Variants in GTF3C2 observed in about 807,000 individuals in gnomAD.
GTF3C2 encodes the protein general transcription factor 3C polypeptide 2.
GTF3C2 carries 17 observed loss-of-function variants against 117.4 expected under a neutral mutation model. The ratio of observed to expected loss-of-function variants is 0.14; its 90% CI spans 0.10 to 0.22. The LOEUF (loss-of-function observed/expected upper bound fraction) is 0.22, where lower values mean the gene tolerates loss of function less well. Ranked by LOEUF, GTF3C2 falls within the 10% of genes least tolerant of loss-of-function variation. The pLI is 1.00. For synonymous variants in GTF3C2, 437 were observed against 427.0 expected, an observed-to-expected ratio of 1.02 and a Z score of -0.29; for missense variants, 888 against 1,143.6, an observed-to-expected ratio of 0.78 and a Z score of 3.22.
chr2:27,327,943 C>G (rs1680142158), intron 17 of GTF3C2, 94 bp downstream of exon 17: 2 of 1,061,986 alleles, frequency 1.9e-6, no homozygotes, highest in Non-Finnish European at 2.7e-6. Flanking sequence ...CTTAGTTTTA[C>G]ATCTTTGTGC....
chr2:27,342,294 A>G, intron 3 of GTF3C2, 61 bp from the exon 4 acceptor site: 2 of 1,403,942 alleles, frequency 1.4e-6, no homozygotes, highest in East Asian at 2.3e-5. Context: ...ACGTTTCCAG[A>G]CATGGTTGAT....
intron 1 of GTF3C2, among the ~76,000 whole-genome samples, chr2:27,353,839 C>T (rs1175054647): frequency 6.6e-6 from 1 of 152,128 alleles, no homozygotes; most frequent in Non-Finnish European, 1.5e-5. Flanking sequence ...CTCCCCATCT[C>T]AGCCTCTCAG....
chr2:27,333,515 C>T (rs1572566744), intron 12 of GTF3C2, 140 bp downstream of exon 12: 3 of 610,080 alleles, frequency 4.9e-6, no homozygotes, highest in African/African-American at 3.8e-5. Context: ...TTATTTCTTT[C>T]TATTTTTTTT....
intron 5 of GTF3C2, 44 bp downstream of exon 5, chr2:27,337,882 T>C: frequency 8.7e-7 from 1 of 1,144,972 alleles, no homozygotes; most frequent in Non-Finnish European, 1.3e-6. Context: ...TGCACTCCTC[T>C]ACCACCCCTT....
rs564633185 is a variant in GTF3C2, at chr2:27,338,782, T to C, written c.856-762A>G. Among the ~76,000 whole-genome samples the C allele has an allele frequency of 2.6e-5, 4 of 151,336 alleles. No homozygotes were observed. In the South Asian group the frequency reaches 8.4e-4, roughly 32 times the overall value. On this transcript the variant is annotated intron_variant, in intron 4 of 18. Transcript: ENST00000264720. ...TGAACTCCTGGGCTCAAGCGATCCC[T>C]CCCCCTCGGCCTCCCAAAGTGCTGG...
intron 1 of GTF3C2, 32 bp from the exon 2 acceptor site, chr2:27,343,610 A>T (rs1246004384): frequency 1.3e-6 from 2 of 1,579,344 alleles, no homozygotes; most frequent in African/African-American, 1.4e-5. Context: ...TGAGTAGAGG[A>T]CAAAAACTAT....
At chr2:27,343,488 C>A in exon 2 of GTF3C2, 1 of 1,614,092 alleles carries the variant, frequency 6.2e-7, no homozygotes, top group Non-Finnish European at 8.5e-7. Flanking sequence ...GGAGAGTCTA[C>A]CACAGTCATG....
intron 4 of GTF3C2, chr2:27,340,907 T>C (rs1316092553): frequency 6.6e-6 from 1 of 152,152 alleles, no homozygotes; most frequent in African/African-American, 2.4e-5. Flanking sequence ...ATTACAGGCG[T>C]GAGCCACCGC....
At chr2:27,332,568 C>T (rs952347534) in intron 12 of GTF3C2, among the ~76,000 whole-genome samples, 1 of 151,710 alleles carries the variant, frequency 6.6e-6, no homozygotes, top group Admixed American at 6.6e-5. Context: ...GAGCCCGCCA[C>T]CACGCCCGGG....
At chr2:27,332,041 C>T (rs1680288072) in intron 12 of GTF3C2, among the ~76,000 whole-genome samples, 1 of 152,104 alleles carries the variant, frequency 6.6e-6, no homozygotes, top group South Asian at 2.1e-4. Flanking sequence ...GAACTAGTGT[C>T]GCTTATAGTG....
At chr2:27,339,074 T>C (rs1680615349) in intron 4 of GTF3C2, among the ~76,000 whole-genome samples, 1 of 152,108 alleles carries the variant, frequency 6.6e-6, no homozygotes, top group Admixed American at 6.6e-5. Context: ...GCAAGCCATA[T>C]TAGAGCATGA....
intron 7 of GTF3C2, 35 bp from the exon 8 acceptor site, chr2:27,336,460 AT>A: frequency 7.6e-7 from 1 of 1,322,082 alleles, no homozygotes; most frequent in Non-Finnish European, 1.1e-6. Context: ...GAAGAAAGGA[AT>A]TAATGAAAGG....
At chr2:27,333,825 T>TA in intron 11 of GTF3C2, 41 bp from the exon 12 acceptor site, 1 of 1,592,696 alleles carries the variant, frequency 6.3e-7, no homozygotes, top group Non-Finnish European at 8.6e-7. Context: ...TAGGGACACC[T>TA]ACACTGTTTG....
intron 17 of GTF3C2, 63 bp downstream of exon 17, chr2:27,327,974 A>G (rs1170757389): frequency 1.4e-6 from 2 of 1,403,162 alleles, no homozygotes; most frequent in East Asian, 2.3e-5. Flanking sequence ...CTTGCGTACT[A>G]TACAAAGACT....
Position 27,329,203 on chromosome 2 carries a change from T to C in GTF3C2, c.1957A>G (p.Ile653Val), listed in dbSNP as rs750901561. The change falls in exon 14 of 19, where the codon ATC becomes GTC. Residue 653 changes from isoleucine (I) to valine (V), a missense_variant. By Grantham distance (29) the Ile-to-Val change is conservative. Around this residue, in one of 7 missense-constraint regions of GTF3C2, gnomAD observed 277 missense variants for 445.4 expected, o/e 0.62. Transcript: ENST00000264720. The surrounding 1 kb of genome is among the most constrained non-coding windows in gnomAD (Gnocchi z 4.5). ...AGTTCTGTACTCAAGAAGCGCTTGA[T>C]AGAGTTTATGGGTTCGTAAGGACGT... 35 of 1,613,948 alleles carry C rather than the reference T, an allele frequency of 2.2e-5. No individual in the cohort carries two copies. The highest frequency in any genetic ancestry group is 6.7e-5 in the Admixed American group (4 of 59,992).
Position 27,349,140 on chromosome 2 carries a change from TTTGA to T in GTF3C2, c.-24-5566_-24-5563del, listed in dbSNP as rs1184277727. Among the ~76,000 whole-genome samples, 27 of 55,084 alleles carry T rather than the reference TTTGA, an allele frequency of 4.9e-4. 1 individual carries two copies. Among genetic ancestry groups the T allele is most frequent in the South Asian group, 1.8e-3 (3 of 1,674 alleles). The allele number at this position is 55,084 out of a possible 152,430, so 36.1% of individuals were successfully genotyped here. A position where few individuals can be genotyped will look rare whatever the true frequency, so the allele number is the denominator to read the frequency against. On this transcript the variant is annotated intron_variant, in intron 1 of 18. Transcript: ENST00000264720. ...GTGTGAGCCACTGTGCCCAGCCTGA[TTTGA>T]TTTTTTTTTTTTTTTTTTTTTGAGA...
At chr2:27,336,397 G>A (rs1680477391) in exon 8 of GTF3C2, 3 of 1,605,834 alleles carry the variant, frequency 1.9e-6, no homozygotes, top group East Asian at 2.2e-5. Flanking sequence ...ACATCCCAGC[G>A]CTCTGGATGT....
At chr2:27,356,108 G>T (rs935200280) in intron 1 of GTF3C2, 1 of 1,289,150 alleles carries the variant, frequency 7.8e-7, no homozygotes, top group East Asian at 5.5e-5. Context: ...CTCCAACAAA[G>T]TGAGTTGCCT....
intron 1 of GTF3C2, among the ~76,000 whole-genome samples, chr2:27,348,294 G>T (rs1680990686): frequency 6.6e-6 from 1 of 151,324 alleles, no homozygotes; most frequent in Non-Finnish European, 1.5e-5. Flanking sequence ...AAACTAGCTG[G>T]GCATGGTGGG....
Sources: gnomAD v4.1 joint callset for allele counts (sites outside exome capture counted in the v4.1 genomes callset) on GRCh38, gnomAD v4.1.1 for gene constraint, gnomAD v4.1.1 regional missense constraint, Gnocchi (gnomAD v3.1) non-coding constraint, MANE v1.5 for transcripts, NCBI Gene and HGNC (gene_info 2026-07-23, HGNC 2026-07-21) for gene names.